ZNF362: variants seen among roughly 807,000 people sequenced by gnomAD.
ZNF362 encodes the protein rotund homolog.
A neutral mutation model predicts 42.9 loss-of-function variants in ZNF362; 11 were observed. The observed-to-expected ratio is 0.26, with a 90% CI of 0.16 to 0.42. The LOEUF (loss-of-function observed/expected upper bound fraction) is 0.42. Among genes scored for constraint, ZNF362 ranks in the 20% least tolerant of loss-of-function variants. The pLI, the probability that ZNF362 is intolerant of heterozygous loss-of-function variation, is 1.00. For missense variants in ZNF362, 362 were observed against 576.2 expected (o/e 0.63, Z 3.81); for synonymous variants, 255 against 257.3 (o/e 0.99, Z 0.09).
At chr1:33,264,894 T>C in intron 1 of ZNF362, among the ~76,000 whole-genome samples, 1 of 151,896 alleles carries the variant, frequency 6.6e-6, no homozygotes, top group East Asian at 1.9e-4. Flanking sequence ...GCTTCTTAGG[T>C]CTCCTGATAC....
At chr1:33,239,963 A>G in the ZNF362 span, among the ~76,000 whole-genome samples, 1 of 152,208 alleles carries the variant, frequency 6.6e-6, no homozygotes, top group African/African-American at 2.4e-5. Context: ...CCATACTGAC[A>G]TGAATAAGGA....
At chr1:33,249,865 A>G in the ZNF362 span, among the ~76,000 whole-genome samples, 1 of 152,208 alleles carries the variant, frequency 6.6e-6, no homozygotes, top group Admixed American at 6.5e-5. Flanking sequence ...TACCTGCTCT[A>G]TAAAGTAGGT....
Position 33,299,835 on chromosome 1 carries a change from G to C in ZNF362, c.*789G>C, listed in dbSNP as rs567575557. On this transcript the variant is annotated 3_prime_UTR_variant, in exon 9 of 9. Transcript: ENST00000539719. ...TCGGTGCTGGCCAGGAAACCTTTCG[G>C]CTACCTCTCCCACCATCCCAGACTG... 5 of 152,894 alleles carry C rather than the reference G, an allele frequency of 3.3e-5. No homozygotes were observed. In the East Asian group the frequency reaches 9.6e-4, roughly 29 times the overall value. The allele number at this position is 152,894 out of a possible 1,614,324, so 9.5% of individuals were successfully genotyped here.
the ZNF362 span, among the ~76,000 whole-genome samples, chr1:33,209,381 C>CT: frequency 2.6e-5 from 4 of 152,072 alleles, no homozygotes; most frequent in Admixed American, 6.6e-5. Context: ...CTAAAATTCT[C>CT]TTTTTTTGTT....
At position 33,281,511 on chromosome 1, in the gene ZNF362, C is replaced by G; in HGVS notation, c.684-76C>G. The G allele has an allele frequency of 1.4e-6, 2 of 1,441,748 alleles. No homozygotes were observed. The highest frequency in any genetic ancestry group is 1.2e-5 in the South Asian group (1 of 83,406). The allele number at this position is 1,441,748 out of a possible 1,614,324, so 89.3% of individuals were successfully genotyped here. ...AAGACCTGTCCCAGGTGCAAGGTCTCTCTGATGTAGAAGGCCTCCCCTGAG... is the reference window on the plus strand; with the variant it reads ...AAGACCTGTCCCAGGTGCAAGGTCTGTCTGATGTAGAAGGCCTCCCCTGAG... On this transcript the variant is annotated intron_variant, in intron 5 of 8. Coordinates refer to ENST00000539719, the MANE Select transcript of ZNF362 (RefSeq NM_152493.3). The surrounding 1 kb of genome is among the most constrained non-coding windows in gnomAD (Gnocchi z 4.8).
At chr1:33,226,916 G>A in the ZNF362 span, among the ~76,000 whole-genome samples, 1 of 152,072 alleles carries the variant, frequency 6.6e-6, no homozygotes, top group Non-Finnish European at 1.5e-5. Context: ...AGTGAAATAA[G>A]CCAATCACAA....
chr1:33,285,080 A>C (rs1461291799), intron 6 of ZNF362, among the ~76,000 whole-genome samples: 1 of 152,230 alleles, frequency 6.6e-6, no homozygotes, highest in Non-Finnish European at 1.5e-5. Flanking sequence ...AGGACAATGG[A>C]GTCCTCTATT....
Position 33,280,297 on chromosome 1 carries a change from T to C in ZNF362, c.523T>C (p.Ser175Pro). Residue 175 changes from serine to proline, a missense_variant, in exon 5 of 9, where the codon TCC becomes CCC. Ser to Pro is a moderately conservative substitution (Grantham distance 74). This residue lies in a region of ZNF362 where 266 missense variants were observed against 365.4 expected (regional missense o/e 0.73). Coordinates refer to ENST00000539719, the MANE Select transcript of ZNF362 (RefSeq NM_152493.3). This position sits in a 1 kb window ranked among gnomAD's most constrained non-coding sequence, Gnocchi z 5.6. ...GATCACCAGCCCCCCTCTCCTGGAC[T>C]CCATCAAGACAATCCAGGGCCACGG... ...SGITSPPLLD[S>P]IKTIQGHGLL... 6.2e-7 allele frequency: 1 copy of C among 1,613,872 alleles called. No homozygotes were observed. The highest frequency in any genetic ancestry group is 8.5e-7 in the Non-Finnish European group (1 of 1,179,892).
chr1:33,230,577 G>A, the ZNF362 span, among the ~76,000 whole-genome samples: 2 of 152,204 alleles, frequency 1.3e-5, no homozygotes, highest in South Asian at 2.1e-4. Context: ...CTAAGTGTTC[G>A]CACGTGCAGA....
chr1:33,149,737 G>A, the ZNF362 span, among the ~76,000 whole-genome samples: 3 of 152,224 alleles, frequency 2.0e-5, no homozygotes. Flanking sequence ...TTATAGGTGT[G>A]AGCCACTGCA....
upstream of ZNF362, among the ~76,000 whole-genome samples, chr1:33,253,849 AT>A (rs1645772411): frequency 6.6e-6 from 1 of 152,214 alleles, no homozygotes. Context: ...TTTAAAATTA[AT>A]TAATGCCTTA....
At chr1:33,134,595 G>T in the ZNF362 span, among the ~76,000 whole-genome samples, 2 of 152,080 alleles carry the variant, frequency 1.3e-5, no homozygotes, top group African/African-American at 4.8e-5. Context: ...CTCCTAATCC[G>T]GTAGTAGGAT....
chr1:33,147,887 C>T, the ZNF362 span, among the ~76,000 whole-genome samples: 4 of 152,294 alleles, frequency 2.6e-5, no homozygotes, highest in Admixed American at 2.6e-4. This position sits in a 1 kb window ranked among gnomAD's most constrained non-coding sequence, Gnocchi z 8.1. Context: ...CCTCATCTTC[C>T]TCCTCTGTAG....
chr1:33,177,047 A>G, the ZNF362 span, among the ~76,000 whole-genome samples: 15 of 58,382 alleles, frequency 2.6e-4, no homozygotes, highest in Non-Finnish European at 5.1e-4. The surrounding 1 kb of genome is among the most constrained non-coding windows in gnomAD (Gnocchi z 4.1). Flanking sequence ...ATGCACACAC[A>G]CACGCACACA....
At chr1:33,286,777 G>T (rs1008388348) in intron 6 of ZNF362, among the ~76,000 whole-genome samples, 2 of 152,130 alleles carry the variant, frequency 1.3e-5, no homozygotes, top group Non-Finnish European at 2.9e-5. Flanking sequence ...TTTGACGGAG[G>T]CCCTTTCCTA....
upstream of ZNF362, among the ~76,000 whole-genome samples, chr1:33,253,347 C>T (rs1645770571): frequency 6.6e-6 from 1 of 150,532 alleles, no homozygotes. Context: ...TTAATAGCAT[C>T]TTGGAAGGTT....
chr1:33,166,569 C>T, the ZNF362 span, among the ~76,000 whole-genome samples: 1 of 152,120 alleles, frequency 6.6e-6, no homozygotes, highest in Admixed American at 6.5e-5. Context: ...TTATCTCCAT[C>T]TTCTGATGGA....
chr1:33,188,734 C>G, the ZNF362 span, among the ~76,000 whole-genome samples: 1 of 152,346 alleles, frequency 6.6e-6, no homozygotes, highest in South Asian at 2.1e-4. Context: ...TTCCATCCCT[C>G]TTACCATGGC....
chr1:33,295,451 T>A, intron 8 of ZNF362, 146 bp downstream of exon 8: 1 of 1,121,106 alleles, frequency 8.9e-7, no homozygotes, highest in South Asian at 1.6e-5. Context: ...CACCCTGAGA[T>A]CACAGGGAAG....
Sources: allele counts gnomAD v4.1 joint callset (sites outside exome capture counted in the v4.1 genomes callset), GRCh38; gene constraint gnomAD v4.1.1; regional missense constraint gnomAD v4.1.1; non-coding constraint Gnocchi (gnomAD v3.1); transcripts MANE v1.5; gene names NCBI Gene and HGNC (gene_info 2026-07-23, HGNC 2026-07-21).